The following ERICH2 variants were observed in gnomAD, a reference collection of about 807,000 sequenced individuals.
ERICH2 encodes glutamate-rich protein 2.
In ERICH2, 17 loss-of-function variants were observed where a neutral mutation model predicts 17.4. The observed-to-expected ratio is 0.98, with a 90% CI of 0.67 to 1.47. ERICH2 has a LOEUF of 1.47. Among genes scored for constraint, ERICH2 ranks in the 40% most tolerant of loss-of-function variants. The pLI, the probability that ERICH2 is intolerant of heterozygous loss-of-function variation, is 0.00. For synonymous variants in ERICH2, 51 were observed against 61.1 expected, an observed-to-expected ratio of 0.83 and a Z score of 0.77; for missense variants, 186 against 183.2, an observed-to-expected ratio of 1.01 and a Z score of -0.09.
the ERICH2 span, chr2:170,777,349 C>T: frequency 1.1e-6 from 1 of 936,290 alleles, no homozygotes; most frequent in Non-Finnish European, 1.3e-6. Flanking sequence ...AATAATAATG[C>T]TAGTTTTTAT....
chr2:170,788,119 G>T (rs1701197953), intron 2 of ERICH2, among the ~76,000 whole-genome samples: 1 of 152,042 alleles, frequency 6.6e-6, no homozygotes, highest in South Asian at 2.1e-4. Flanking sequence ...TTCCTTCCTA[G>T]AATAAAGCAT....
chr2:170,783,885 T>G, intron 1 of ERICH2: 2 of 1,550,536 alleles, frequency 1.3e-6, no homozygotes, highest in Non-Finnish European at 1.7e-6. Flanking sequence ...ATGGCCTGAA[T>G]AACACAACCG....
intron 3 of ERICH2, among the ~76,000 whole-genome samples, chr2:170,797,537 C>T (rs1265678397): frequency 6.6e-6 from 1 of 152,064 alleles, no homozygotes; most frequent in Non-Finnish European, 1.5e-5. Flanking sequence ...GTGTCTCATG[C>T]CTGTAATCCC....
exon 2 of ERICH2, chr2:170,784,687 A>G (rs2105694928): frequency 2.6e-6 from 4 of 1,541,602 alleles, no homozygotes; most frequent in Non-Finnish European, 3.5e-6. Flanking sequence ...GCAGGAGAAA[A>G]ATAATGAATA....
At chr2:170,791,830 TA>T (rs1259648486) in intron 2 of ERICH2, among the ~76,000 whole-genome samples, 1 of 152,114 alleles carries the variant, frequency 6.6e-6, no homozygotes, top group African/African-American at 2.4e-5. Flanking sequence ...AAATTTTTTT[TA>T]ACCCATGGGA....
intron 3 of ERICH2, among the ~76,000 whole-genome samples, chr2:170,797,811 A>T (rs7601631): frequency 7.3e-6 from 1 of 136,754 alleles, no homozygotes. Flanking sequence ...AAAAAAAAAA[A>T]AAAGAAAGAA....
chr2:170,792,825 T>C, intron 2 of ERICH2, 38 bp from the exon 8 acceptor site: 1 of 1,368,232 alleles, frequency 7.3e-7, no homozygotes, highest in Non-Finnish European at 9.8e-7. Context: ...GTTGACAACA[T>C]TTAAATTCAC....
In ERICH2 at chr2:170,788,859, C is replaced by A. The variant is rs182479026; in HGVS notation, c.217-4004C>A. Among the ~76,000 whole-genome samples the A allele has an allele frequency of 8.6e-4, 131 of 152,290 alleles. 1 individual carries two copies. Among genetic ancestry groups the A allele is most frequent in the Admixed American group, 3.4e-3 (52 of 15,286 alleles). On this transcript the variant is annotated intron_variant, in intron 2 of 4. Coordinates refer to ENST00000409885, the Ensembl canonical transcript of ERICH2. ...GAATACTCTTTACCTAGATTCACTACTCATTAACATTGTGCCTCATTTGCT... is the reference window on the plus strand; with the variant it reads ...GAATACTCTTTACCTAGATTCACTAATCATTAACATTGTGCCTCATTTGCT...
rs59152667 is a variant in ERICH2, at chr2:170,794,105, CTTTTTTTT to C, written c.274+1199_274+1206del. 7.9e-5 allele frequency among the ~76,000 whole-genome samples: 7 copies of C among 88,170 alleles called. No individual in the cohort carries two copies. In the South Asian group the frequency reaches 1.5e-3, roughly 19 times the overall value. The allele number at this position is 88,170 out of a possible 152,430, so 57.8% of individuals were successfully genotyped here. A position where few individuals can be genotyped will look rare whatever the true frequency, so the allele number is the denominator to read the frequency against. On this transcript the variant is annotated intron_variant, in intron 3 of 4. Transcript: ENST00000409885. ...TTCCTTCCTTCTCTTTCCTTTCTTT[CTTTTTTTT>C]TTTTTTTTTTTTTGACAGGTTCTTG...
chr2:170,771,776 A>G, the ERICH2 span, among the ~76,000 whole-genome samples: 11 of 152,272 alleles, frequency 7.2e-5, no homozygotes, highest in East Asian at 2.1e-3. This position sits in a 1 kb window ranked among gnomAD's most constrained non-coding sequence, Gnocchi z 4.8. Flanking sequence ...AACTTCCAAA[A>G]TGTTGATATT....
chr2:170,778,261 G>A, the ERICH2 span: 1 of 151,926 alleles, frequency 6.6e-6, no homozygotes, highest in African/African-American at 2.4e-5. Flanking sequence ...AGCCCTTCCT[G>A]TAGTCATCTC....
At chr2:170,774,923 G>A in the ERICH2 span, among the ~76,000 whole-genome samples, 37,717 of 151,852 alleles carry the variant, frequency 0.25, 5,140 homozygotes, top group South Asian at 0.35. Flanking sequence ...AAGGAATTCA[G>A]TGTAATGAAA....
At chr2:170,794,111 T>C (rs1378152615) in intron 3 of ERICH2, among the ~76,000 whole-genome samples, 2 of 131,176 alleles carry the variant, frequency 1.5e-5, no homozygotes, top group Non-Finnish European at 3.1e-5. Flanking sequence ...CTTTCTTTTT[T>C]TTTTTTTTTT....
the ERICH2 span, among the ~76,000 whole-genome samples, chr2:170,773,653 T>C: frequency 6.6e-6 from 1 of 152,212 alleles, no homozygotes; most frequent in Non-Finnish European, 1.5e-5. Flanking sequence ...ATCTTCATCT[T>C]TGTGTCCCCA....
At chr2:170,795,669 T>C (rs1701398698) in intron 3 of ERICH2, among the ~76,000 whole-genome samples, 1 of 152,206 alleles carries the variant, frequency 6.6e-6, no homozygotes, top group African/African-American at 2.4e-5. Context: ...TAAATGGAAC[T>C]GAAAGTCAAG....
chr2:170,798,193 T>C lies in ERICH2; in HGVS notation c.346+81T>C, dbSNP rs1575413664. On this transcript the variant is annotated intron_variant, in intron 4 of 4. Transcript: ENST00000409885. Reference sequence around the variant, plus strand: ...AAAAACCCATTATCCCGGGAGATTGTCGATACATCTTTAGGAAGTGGTTAA... The same window carrying C: ...AAAAACCCATTATCCCGGGAGATTGCCGATACATCTTTAGGAAGTGGTTAA... 13 of 933,618 alleles carry C rather than the reference T, an allele frequency of 1.4e-5. No homozygotes were observed. In the South Asian group the frequency reaches 1.4e-4, roughly 10 times the overall value. The allele number at this position is 933,618 out of a possible 1,614,324, so 57.8% of individuals were successfully genotyped here.
intron 2 of ERICH2, among the ~76,000 whole-genome samples, chr2:170,788,455 T>A (rs1204962534): frequency 2.7e-5 from 4 of 148,732 alleles, no homozygotes; most frequent in South Asian, 2.2e-4. Flanking sequence ...GCGTCCCTTT[T>A]TAGTTGTCCC....
At chr2:170,781,581 C>T (rs990955688), upstream of ERICH2, among the ~76,000 whole-genome samples, 1 of 150,640 alleles carries the variant, frequency 6.6e-6, no homozygotes, top group African/African-American at 2.4e-5. Flanking sequence ...TGCAGTGAGC[C>T]GAGATCGCGT....
At chr2:170,779,157 T>A (rs1355623859), upstream of ERICH2, among the ~76,000 whole-genome samples, 1 of 152,140 alleles carries the variant, frequency 6.6e-6, no homozygotes, top group Non-Finnish European at 1.5e-5. Context: ...AGAAAAATGA[T>A]CAAGTAGGAA....
Sources: gnomAD v4.1 joint callset for allele counts (sites outside exome capture counted in the v4.1 genomes callset) on GRCh38, gnomAD v4.1.1 for gene constraint, Gnocchi (gnomAD v3.1) non-coding constraint, MANE v1.5 for transcripts, NCBI Gene and HGNC (gene_info 2026-07-23, HGNC 2026-07-21) for gene names.